The following TTC5 variants were observed in gnomAD, a reference collection of about 807,000 sequenced individuals.
TTC5 encodes tetratricopeptide repeat protein 5.
Under a neutral mutation model 57.4 loss-of-function variants are expected in TTC5, and 46 were observed. The ratio of observed to expected loss-of-function variants is 0.80; its 90% CI spans 0.63 to 1.03. The LOEUF is 1.03. Among genes scored for constraint, TTC5 ranks in the 50% least tolerant of loss-of-function variants. The pLI is 0.00. For synonymous variants in TTC5, 190 were observed against 203.5 expected (o/e 0.93, Z 0.57); for missense variants, 504 against 528.1 (o/e 0.95, Z 0.45).
intron 3 of TTC5, chr14:20,300,228 A>C (rs2138816308): frequency 6.8e-6 from 1 of 146,312 alleles, no homozygotes; most frequent in Non-Finnish European, 1.4e-5. Flanking sequence ...CAAACTCCTG[A>C]GCTCAAGTGA....
At chr14:20,304,178 G>C (rs1038036283) in intron 1 of TTC5, among the ~76,000 whole-genome samples, 1 of 152,144 alleles carries the variant, frequency 6.6e-6, no homozygotes, top group Non-Finnish European at 1.5e-5. Flanking sequence ...GCACCAGAAC[G>C]GGACTTGGGA....
chr14:20,304,162 A>C (rs1260392346), intron 1 of TTC5, among the ~76,000 whole-genome samples: 2 of 152,194 alleles, frequency 1.3e-5, no homozygotes, highest in African/African-American at 2.4e-5. Flanking sequence ...TTCGAGCTAC[A>C]CCTGAGCACC....
chr14:20,291,988 C>A lies in TTC5; in HGVS notation c.1198G>T (p.Gly400Ter). The A allele has an allele frequency of 6.3e-7, 1 of 1,581,578 alleles. No homozygotes were observed. Among genetic ancestry groups the A allele is most frequent in the Non-Finnish European group, 8.6e-7 (1 of 1,165,198 alleles). ...NLRLHRIQHK[G>*]KDYSFSSVRV... is the part of the protein sequence containing the mutation. ...GAATCCTAGCCATTGCTCACCTTTC[C>A]TTTGTGCTGAATTCGGTGAAGCCGC... The change falls in exon 9 of 10, where the codon GGA becomes TGA. Residue 400 changes from glycine (G) to a stop codon, truncating the protein, a stop_gained. Coordinates refer to ENST00000258821, the MANE Select transcript of TTC5 (RefSeq NM_138376.3). LOFTEE classifies it high-confidence loss of function.
At chr14:20,293,034 T>G (rs1881990877) in intron 8 of TTC5, 1 of 152,218 alleles carries the variant, frequency 6.6e-6, no homozygotes, top group African/African-American at 2.4e-5. Flanking sequence ...AATGTACGCT[T>G]AAAATTGTAC....
chr14:20,297,998 C>T (rs1882101851), intron 5 of TTC5, among the ~76,000 whole-genome samples: 1 of 152,112 alleles, frequency 6.6e-6, no homozygotes, highest in Non-Finnish European at 1.5e-5. Context: ...TTTAAAAGGG[C>T]AGTCCCTGAA....
chr14:20,292,142 C>G lies in TTC5; in HGVS notation c.1059-15G>C. The G allele has an allele frequency of 6.5e-7, 1 of 1,530,224 alleles. No homozygotes were observed. The highest frequency in any genetic ancestry group is 8.8e-7 in the Non-Finnish European group (1 of 1,137,580). 94.8% of individuals were successfully genotyped at this position (1,530,224 alleles called of 1,614,324 possible). On this transcript the variant is annotated splice_polypyrimidine_tract_variant and intron_variant, in intron 8 of 9. Transcript: ENST00000258821. ...GGCCAAATGTACTACCAAGTAAAGA[C>G]AGATTAGGAGAGAGGAAAACAAAAA...
intron 1 of TTC5, among the ~76,000 whole-genome samples, chr14:20,304,901 T>A (rs1164353060): frequency 2.6e-5 from 4 of 152,124 alleles, no homozygotes; most frequent in Non-Finnish European, 2.9e-5. Context: ...AAAATTCAAA[T>A]AGATACATGT....
chr14:20,295,258 GTGAGAGCAA>G, intron 8 of TTC5, 45 bp downstream of exon 8: 1 of 1,532,948 alleles, frequency 6.5e-7, no homozygotes, highest in Non-Finnish European at 9.0e-7. Context: ...AGAACAGGAA[GTGAGAGCAA>G]TTAGTTCAAA....
chr14:20,301,224 C>G, intron 2 of TTC5, among the ~76,000 whole-genome samples: 1 of 152,064 alleles, frequency 6.6e-6, no homozygotes, highest in Admixed American at 6.6e-5. Context: ...ATCGTTAAAA[C>G]AAAACAGAGA....
At position 20,287,187 on chromosome 14, in the gene TTC5, C is replaced by G. The variant is rs1308920449; in HGVS notation, c.*2440G>C. The G allele has an allele frequency of 6.6e-6, 1 of 152,110 alleles. No homozygotes were observed. Among genetic ancestry groups the G allele is most frequent in the Non-Finnish European group, 1.5e-5 (1 of 68,048 alleles). 9.4% of individuals were successfully genotyped at this position (152,110 alleles called of 1,614,324 possible). On this transcript the variant is annotated 3_prime_UTR_variant, in exon 10 of 10. Coordinates refer to ENST00000258821, the MANE Select transcript of TTC5 (RefSeq NM_138376.3). ...CAAATTTTACTGTGCATCAGAGTCA[C>G]CTGGAGGGTTTGCGAAACACAGATT...
At chr14:20,297,669 A>T (rs1882094204) in intron 5 of TTC5, among the ~76,000 whole-genome samples, 1 of 152,060 alleles carries the variant, frequency 6.6e-6, no homozygotes, top group African/African-American at 2.4e-5. Flanking sequence ...GCTACTTGAG[A>T]GACTGAGGCA....
At chr14:20,300,411 C>T in intron 3 of TTC5, 196 bp downstream of exon 3, 1 of 568,242 alleles carries the variant, frequency 1.8e-6, no homozygotes, top group South Asian at 2.4e-5. Context: ...AACCTGATCC[C>T]ATCATCATCT....
At chr14:20,305,183 T>C (rs560807481) in intron 1 of TTC5, among the ~76,000 whole-genome samples, 1 of 152,338 alleles carries the variant, frequency 6.6e-6, no homozygotes, top group African/African-American at 2.4e-5. Context: ...ATTTGTGCGT[T>C]AAACACCTTT....
chr14:20,305,933 A>G lies in TTC5; in HGVS notation c.5T>C (p.Met2Thr), dbSNP rs367674785. Residue 2 changes from methionine (M) to threonine (T), a missense_variant, in exon 1 of 10, where the codon ATG becomes ACG. Transcript: ENST00000258821. ...CTTGACTTCTTCCTCTTCATCAGCCATCATCTCCCGGCCACTCCACCCCCA... is the reference window on the plus strand; with the variant it reads ...CTTGACTTCTTCCTCTTCATCAGCCGTCATCTCCCGGCCACTCCACCCCCA... M[M>T]ADEEEEVKPI... is the part of the protein sequence containing the mutation. 4 of 1,613,946 alleles carry G rather than the reference A, an allele frequency of 2.5e-6. No homozygotes were observed. Among genetic ancestry groups the G allele is most frequent in the Non-Finnish European group, 2.5e-6 (3 of 1,180,002 alleles).
intron 2 of TTC5, 135 bp from the exon 3 acceptor site, chr14:20,300,953 T>C (rs1882178028): frequency 2.9e-6 from 2 of 700,466 alleles, no homozygotes; most frequent in Non-Finnish European, 4.7e-6. Context: ...AACCATTTAT[T>C]GAAAGCTCAC....
rs750076313 is a variant in TTC5 at position 20,300,594 on chromosome 14, G to A, written c.396+13C>T. On this transcript the variant is annotated intron_variant, in intron 3 of 9. Coordinates refer to ENST00000258821, the MANE Select transcript of TTC5 (RefSeq NM_138376.3). ...CCCATCTCTGCTTTCCAAAGGGATA[G>A]GGGGCAGCTCACATGGGTGAGGGCT... The A allele has an allele frequency of 1.5e-5, 24 of 1,603,546 alleles. No homozygotes were observed. Among genetic ancestry groups the A allele is most frequent in the Non-Finnish European group, 1.9e-5 (22 of 1,177,470 alleles).
Position 20,295,633 on chromosome 14 carries a change from A to G in TTC5, c.843+75T>C, listed in dbSNP as rs191463870. The G allele has an allele frequency of 6.5e-6, 10 of 1,548,100 alleles. No homozygotes were observed. In the African/African-American group the frequency reaches 6.9e-5, roughly 11 times the overall value. ...TATAGGGTCTCTACCTCGTAAACCT[A>G]TTTATTCTTATTTTATTGACCCACG... On this transcript the variant is annotated intron_variant, in intron 7 of 9. Coordinates refer to ENST00000258821, the MANE Select transcript of TTC5 (RefSeq NM_138376.3).
chr14:20,293,364 T>C (rs1287565944), intron 8 of TTC5: 1 of 152,154 alleles, frequency 6.6e-6, no homozygotes, highest in Admixed American at 6.6e-5. Context: ...GCAGAGTAAC[T>C]GTATGTAAGA....
At chr14:20,296,503 T>C (rs536862626) in intron 5 of TTC5, 57 bp from the exon 6 acceptor site, 1 of 1,344,304 alleles carries the variant, frequency 7.4e-7, no homozygotes, top group East Asian at 2.3e-5. Flanking sequence ...AGGACTGACA[T>C]GCCCAACATG....
Sources: gnomAD v4.1 joint callset for allele counts (sites outside exome capture counted in the v4.1 genomes callset) on GRCh38, gnomAD v4.1.1 for gene constraint, MANE v1.5 for transcripts, NCBI Gene and HGNC (gene_info 2026-07-23, HGNC 2026-07-21) for gene names.